Variants in UNC13C observed in about 807,000 individuals in gnomAD.
UNC13C encodes unc-13 homolog C, also known as protein unc-13 homolog C.
UNC13C carries 174 observed loss-of-function variants against 245.4 expected under a neutral mutation model. That is an observed-to-expected ratio of 0.71 (90% CI 0.63 to 0.80). The LOEUF (loss-of-function observed/expected upper bound fraction) is 0.80. Ranked by LOEUF, UNC13C falls within the 30% of genes least tolerant of loss-of-function variation. UNC13C has a pLI of 0.00. For missense variants in UNC13C, 2,829 were observed against 2,602.9 expected, an observed-to-expected ratio of 1.09 and a Z score of -1.89; for synonymous variants, 992 against 895.1, an observed-to-expected ratio of 1.11 and a Z score of -1.93.
intron 17 of UNC13C, among the ~76,000 whole-genome samples, chr15:54,390,670 A>C (rs1349032140): frequency 6.6e-6 from 1 of 152,204 alleles, no homozygotes; most frequent in South Asian, 2.1e-4. Context: ...GTTTCAGTCA[A>C]TATGAATATA....
chr15:54,528,940 C>T (rs1895611788), intron 25 of UNC13C, among the ~76,000 whole-genome samples: 1 of 152,198 alleles, frequency 6.6e-6, no homozygotes, highest in Non-Finnish European at 1.5e-5. Flanking sequence ...TCTCTTGCAA[C>T]CTCTACCTGA....
At chr15:54,590,698 T>C (rs905252339) in intron 30 of UNC13C, among the ~76,000 whole-genome samples, 1 of 152,134 alleles carries the variant, frequency 6.6e-6, no homozygotes, top group African/African-American at 2.4e-5. Flanking sequence ...TCTGGAGGAG[T>C]CCTTAGGGTT....
At chr15:54,321,283 C>G in intron 13 of UNC13C, 1 of 476,130 alleles carries the variant, frequency 2.1e-6, no homozygotes, top group Non-Finnish European at 4.1e-6. Flanking sequence ...ATTTCAATCA[C>G]TTCAATTTCC....
chr15:54,234,435 A>G (rs949207596), intron 4 of UNC13C, among the ~76,000 whole-genome samples: 2 of 152,116 alleles, frequency 1.3e-5, no homozygotes, highest in Admixed American at 6.5e-5. Flanking sequence ...TTTTATTGCT[A>G]TTATTTAAAG....
At chr15:54,110,099 G>A (rs1379269049) in intron 2 of UNC13C, among the ~76,000 whole-genome samples, 2 of 151,904 alleles carry the variant, frequency 1.3e-5, no homozygotes, top group Non-Finnish European at 2.9e-5. Flanking sequence ...CCGATATAGT[G>A]GAACCCAGTC....
intron 2 of UNC13C, among the ~76,000 whole-genome samples, chr15:54,070,950 A>G (rs1310101998): frequency 1.3e-5 from 2 of 152,214 alleles, no homozygotes; most frequent in Admixed American, 6.6e-5. Flanking sequence ...GGTAGAAGAT[A>G]TATAATTTAT....
At chr15:54,349,005 T>C (rs986367583) in intron 17 of UNC13C, among the ~76,000 whole-genome samples, 1 of 151,528 alleles carries the variant, frequency 6.6e-6, no homozygotes, top group Non-Finnish European at 1.5e-5. Context: ...CCTTATGTGC[T>C]CCTTGTCTTA....
At chr15:54,570,665 C>A (rs1004662621) in intron 30 of UNC13C, among the ~76,000 whole-genome samples, 1 of 152,016 alleles carries the variant, frequency 6.6e-6, no homozygotes, top group Non-Finnish European at 1.5e-5. Flanking sequence ...ATAAAGTTAG[C>A]CAACAATACA....
chr15:54,371,322 G>A (rs537440604), intron 17 of UNC13C, among the ~76,000 whole-genome samples: 1 of 152,102 alleles, frequency 6.6e-6, no homozygotes, highest in South Asian at 2.1e-4. Context: ...AACGTAACTG[G>A]AATGATTATC....
intron 2 of UNC13C, chr15:54,049,029 C>A: frequency 5.2e-6 from 2 of 381,550 alleles, no homozygotes; most frequent in South Asian, 4.6e-5. Context: ...CTTCCCAAAT[C>A]GTTTCACAGA....
the UNC13C span, among the ~76,000 whole-genome samples, chr15:53,875,812 G>T: frequency 6.6e-6 from 1 of 152,164 alleles, no homozygotes; most frequent in South Asian, 2.1e-4. Flanking sequence ...AAGCACTAGG[G>T]TCTGGGCCAT....
At chr15:53,861,411 C>A in the UNC13C span, among the ~76,000 whole-genome samples, 1 of 152,072 alleles carries the variant, frequency 6.6e-6, no homozygotes, top group East Asian at 1.9e-4. Context: ...AATGACTCAA[C>A]TCCATATTTT....
At chr15:54,378,279 G>A (rs2039649608) in intron 17 of UNC13C, among the ~76,000 whole-genome samples, 1 of 152,042 alleles carries the variant, frequency 6.6e-6, no homozygotes, top group South Asian at 2.1e-4. Flanking sequence ...TCCAGAGTTT[G>A]TTATCTTTGT....
At chr15:54,042,854 G>A (rs7164394) in intron 2 of UNC13C, among the ~76,000 whole-genome samples, 9,389 of 151,254 alleles carry the variant, frequency 0.062, 1,246 homozygotes, top group African/African-American at 0.22. Context: ...CTCTGTCTCA[G>A]AAAAGAAAAA....
chr15:54,336,638 GT>G (rs1222616108), intron 16 of UNC13C, among the ~76,000 whole-genome samples: 3 of 151,808 alleles, frequency 2.0e-5, no homozygotes, highest in African/African-American at 7.3e-5. Context: ...TTTGCTGGTT[GT>G]TTTTGTTTGA....
In UNC13C at chr15:54,442,121, T is replaced by G. The variant is rs116980050; in HGVS notation, c.4933+27054T>G. Among the ~76,000 whole-genome samples, 875 of 152,170 alleles carry G rather than the reference T, an allele frequency of 5.8e-3. 3 individuals carry two copies. The highest frequency in any genetic ancestry group is 9.5e-3 in the Non-Finnish European group (643 of 67,980). ...ATATAATGTCTTCCACAAAGAGAGATAATTTGACTTATTCTTTTTCCAATT... is the reference window on the plus strand; with the variant it reads ...ATATAATGTCTTCCACAAAGAGAGAGAATTTGACTTATTCTTTTTCCAATT... On this transcript the variant is annotated intron_variant, in intron 19 of 32. Transcript: ENST00000260323.
At chr15:54,526,741 A>G (rs995186803) in intron 25 of UNC13C, among the ~76,000 whole-genome samples, 14 of 71,336 alleles carry the variant, frequency 2.0e-4, no homozygotes, top group African/African-American at 6.4e-4. Flanking sequence ...CTCCGTCTAG[A>G]AAAAAAAAAA....
intron 11 of UNC13C, among the ~76,000 whole-genome samples, chr15:54,295,608 A>G (rs1378265686): frequency 6.6e-6 from 1 of 151,964 alleles, no homozygotes; most frequent in Non-Finnish European, 1.5e-5. Flanking sequence ...CTAAAAGATT[A>G]TGCCACTGCA....
At chr15:54,039,902 C>G (rs527237054) in intron 2 of UNC13C, among the ~76,000 whole-genome samples, 1 of 151,750 alleles carries the variant, frequency 6.6e-6, no homozygotes, top group Non-Finnish European at 1.5e-5. Flanking sequence ...CCTGCTTCTT[C>G]CCTTGACCCC....
Sources: allele counts gnomAD v4.1 joint callset (sites outside exome capture counted in the v4.1 genomes callset), GRCh38; gene constraint gnomAD v4.1.1; transcripts MANE v1.5; gene names NCBI Gene and HGNC (gene_info 2026-07-23, HGNC 2026-07-21).